The following RPRD1B variants were observed in gnomAD, a reference collection of about 807,000 sequenced individuals.
RPRD1B encodes regulation of nuclear pre-mRNA domain containing 1B.
RPRD1B carries 11 observed loss-of-function variants against 41.5 expected under a neutral mutation model. The ratio of observed to expected loss-of-function variants is 0.27; its 90% CI spans 0.17 to 0.44. RPRD1B has a LOEUF of 0.44. Among genes scored for constraint, RPRD1B ranks in the 20% least tolerant of loss-of-function variants. The probability of loss-of-function intolerance (pLI) is 1.00; values close to 1 mark genes in which losing one functional copy is unlikely to be tolerated. For synonymous variants in RPRD1B, 158 were observed against 155.6 expected (o/e 1.02, Z -0.12); for missense variants, 248 against 389.9 (o/e 0.64, Z 3.06).
At chr20:38,038,721 C>A (rs980349234) in intron 1 of RPRD1B, among the ~76,000 whole-genome samples, 6 of 152,132 alleles carry the variant, frequency 3.9e-5, no homozygotes, top group Non-Finnish European at 8.8e-5. Flanking sequence ...TGGCCTTGAT[C>A]TCGTGACCTC....
chr20:38,054,807 A>G (rs1200797293), intron 3 of RPRD1B, among the ~76,000 whole-genome samples: 1 of 152,192 alleles, frequency 6.6e-6, no homozygotes, highest in Non-Finnish European at 1.5e-5. Context: ...AAGCAAACAG[A>G]ACAGTATAAA....
At chr20:38,081,108 C>A (rs554934977) in intron 6 of RPRD1B, among the ~76,000 whole-genome samples, 12 of 144,382 alleles carry the variant, frequency 8.3e-5, no homozygotes, top group South Asian at 2.3e-4. Flanking sequence ...TGAAGAATGT[C>A]TTTGGTAGTT....
intron 5 of RPRD1B, among the ~76,000 whole-genome samples, chr20:38,060,381 G>GAAAT (rs2074285409): frequency 6.6e-6 from 1 of 152,160 alleles, no homozygotes; most frequent in Admixed American, 6.5e-5. Flanking sequence ...CTATCTAAAG[G>GAAAT]AAATCAAGGT....
intron 6 of RPRD1B, among the ~76,000 whole-genome samples, chr20:38,073,916 G>C (rs1456031721): frequency 2.0e-5 from 3 of 152,110 alleles, no homozygotes; most frequent in Admixed American, 1.3e-4. Context: ...CCTAGTGCCG[G>C]CCCCCTCCTC....
Position 38,034,119 on chromosome 20 carries a change from C to T in RPRD1B, c.151+21C>T, listed in dbSNP as rs1469823030. On this transcript the variant is annotated intron_variant, in intron 1 of 6. Transcript: ENST00000373433. ...CAAAGGTAAACACCAAATCCCCACC[C>T]CCTGGACGGTCCCCGGATTGTCCTC... 3.1e-6 allele frequency: 5 copies of T among 1,606,082 alleles called. No homozygotes were observed. In the African/African-American group the frequency reaches 6.7e-5, roughly 21 times the overall value.
At chr20:38,052,746 C>T (rs904591745) in intron 3 of RPRD1B, among the ~76,000 whole-genome samples, 18 of 128,920 alleles carry the variant, frequency 1.4e-4, no homozygotes, top group Non-Finnish European at 2.3e-4. Flanking sequence ...TCGGACCAAA[C>T]GCGGTGTTTT....
intron 3 of RPRD1B, among the ~76,000 whole-genome samples, chr20:38,050,220 T>G (rs946728824): frequency 6.6e-6 from 1 of 152,244 alleles, no homozygotes; most frequent in Non-Finnish European, 1.5e-5. Context: ...TGGAATTATT[T>G]GCATTTTGCA....
At position 38,092,351 on chromosome 20, in the gene RPRD1B, G is replaced by A; in HGVS notation, c.*2476G>A. On this transcript the variant is annotated 3_prime_UTR_variant, in exon 7 of 7. Coordinates refer to ENST00000373433, the MANE Select transcript of RPRD1B (RefSeq NM_021215.4). ...AGATATATATTTTTGAATAAAGATG[G>A]TGTTGTTGAACAACATTGTGTGATT... is the stretch of plus-strand genomic sequence containing the variant. 1 of 979,294 alleles carries A rather than the reference G, an allele frequency of 1.0e-6. No homozygotes were observed. The highest frequency in any genetic ancestry group is 1.2e-6 in the Non-Finnish European group (1 of 823,976). 60.7% of individuals were successfully genotyped at this position (979,294 alleles called of 1,614,324 possible). A position where few individuals can be genotyped will look rare whatever the true frequency, so the allele number is the denominator to read the frequency against.
chr20:38,064,261 A>T (rs912293236), intron 5 of RPRD1B, among the ~76,000 whole-genome samples: 2 of 152,190 alleles, frequency 1.3e-5, no homozygotes, highest in African/African-American at 4.8e-5. Flanking sequence ...AGAGGTTCCT[A>T]ATCTTTGGCA....
intron 2 of RPRD1B, among the ~76,000 whole-genome samples, chr20:38,041,876 A>AT (rs1439117400): frequency 2.6e-5 from 4 of 152,030 alleles, no homozygotes; most frequent in Non-Finnish European, 5.9e-5. Flanking sequence ...TCATTGGATC[A>AT]TTTGTTTTTT....
intron 3 of RPRD1B, among the ~76,000 whole-genome samples, chr20:38,050,375 G>A (rs1309287354): frequency 6.6e-6 from 1 of 152,180 alleles, no homozygotes; most frequent in East Asian, 1.9e-4. Context: ...CTTCTGAAAA[G>A]CAAGATGTTT....
chr20:38,087,047 CG>C (rs377450036), intron 6 of RPRD1B, among the ~76,000 whole-genome samples: 1 of 151,822 alleles, frequency 6.6e-6, no homozygotes, highest in African/African-American at 2.4e-5. Flanking sequence ...ACCTCTGCCC[CG>C]CCGGGTTCAA....
At chr20:38,047,543 A>C (rs910827692) in intron 2 of RPRD1B, among the ~76,000 whole-genome samples, 3 of 152,114 alleles carry the variant, frequency 2.0e-5, no homozygotes, top group African/African-American at 7.2e-5. Context: ...AGAAGATTTC[A>C]TGGTAACAGT....
intron 6 of RPRD1B, among the ~76,000 whole-genome samples, chr20:38,075,613 C>G (rs1298402263): frequency 1.3e-5 from 2 of 152,182 alleles, no homozygotes; most frequent in African/African-American, 4.8e-5. Flanking sequence ...AATTGGGATT[C>G]TGAAGAAAGT....
intron 1 of RPRD1B, among the ~76,000 whole-genome samples, chr20:38,037,570 G>A (rs2074015965): frequency 6.6e-6 from 1 of 152,212 alleles, no homozygotes; most frequent in African/African-American, 2.4e-5. Context: ...GGAGGGGTGT[G>A]CATGTTGTGT....
Position 38,066,270 on chromosome 20 carries a change from A to T in RPRD1B, c.831+14A>T, listed in dbSNP as rs982962568. 4.3e-6 allele frequency: 7 copies of T among 1,612,916 alleles called. No homozygotes were observed. In the Admixed American group the frequency reaches 1.2e-4, roughly 27 times the overall value. On this transcript the variant is annotated intron_variant, in intron 6 of 6. Transcript: ENST00000373433. The stretch of plus-strand genomic sequence containing the variant: ...AAAAAACTAGAGGTGAGTGCATTGA[A>T]GGCAGACCCAGACTGCCCACGTTTC...
Position 38,091,586 on chromosome 20 carries a change from T to A in RPRD1B, c.*1711T>A. ...AGGCCATAGGTGACATCACTAAAAT[T>A]GCAAGATAAATTGTAATCTTTGCTG... On this transcript the variant is annotated 3_prime_UTR_variant, in exon 7 of 7. Transcript: ENST00000373433. 1.0e-6 allele frequency: 1 copy of A among 985,486 alleles called. No homozygotes were observed. The highest frequency in any genetic ancestry group is 4.7e-5 in the South Asian group (1 of 21,284). 61.0% of individuals were successfully genotyped at this position (985,486 alleles called of 1,614,324 possible). A position where few individuals can be genotyped will look rare whatever the true frequency, so the allele number is the denominator to read the frequency against.
chr20:38,087,401 G>A (rs1442166590), intron 6 of RPRD1B, among the ~76,000 whole-genome samples: 1 of 152,112 alleles, frequency 6.6e-6, no homozygotes, highest in Non-Finnish European at 1.5e-5. Flanking sequence ...AAGGAGTCTT[G>A]GATTCTGATC....
chr20:38,034,216 T>C, intron 1 of RPRD1B, 118 bp downstream of exon 1: 1 of 1,154,736 alleles, frequency 8.7e-7, no homozygotes, highest in Non-Finnish European at 1.2e-6. Context: ...ATCGAGCTTC[T>C]GAGATGGGAG....
Sources: gnomAD v4.1 joint callset for allele counts (sites outside exome capture counted in the v4.1 genomes callset) on GRCh38, gnomAD v4.1.1 for gene constraint, MANE v1.5 for transcripts, NCBI Gene and HGNC (gene_info 2026-07-23, HGNC 2026-07-21) for gene names.